The following KHDRBS2 variants were observed in gnomAD, a reference collection of about 807,000 sequenced individuals.
The protein encoded by KHDRBS2 is KH RNA binding domain containing, signal transduction associated 2.
Under a neutral mutation model 44.3 loss-of-function variants are expected in KHDRBS2, and 26 were observed. That is an observed-to-expected ratio of 0.59 (90% confidence interval 0.43 to 0.81). The LOEUF (loss-of-function observed/expected upper bound fraction) is 0.81. Ranked by LOEUF, KHDRBS2 falls within the 40% of genes least tolerant of loss-of-function variation. KHDRBS2 has a pLI of 0.00. For missense variants in KHDRBS2, 476 were observed against 433.1 expected (o/e 1.10, Z -0.88); for synonymous variants, 194 against 151.1 (o/e 1.28, Z -2.08).
chr6:62,013,154 T>C lies in KHDRBS2; in HGVS notation c.336+34724A>G, dbSNP rs553469729. ...GAGATCCTATGGAGCCCATGTTAAT[T>C]GACAAGATTTCTAAGAAACTTTAAT... On this transcript the variant is annotated intron_variant, in intron 3 of 8. Transcript: ENST00000281156. Among the ~76,000 whole-genome samples, 6 of 152,300 alleles carry C rather than the reference T, an allele frequency of 3.9e-5. No individual in the cohort carries two copies. In the South Asian group the frequency reaches 1.2e-3, roughly 32 times the overall value.
chr6:61,943,447 C>T (rs572604917), intron 4 of KHDRBS2, among the ~76,000 whole-genome samples: 33 of 151,872 alleles, frequency 2.2e-4, no homozygotes, highest in South Asian at 6.2e-4. Context: ...CAGAAAACAA[C>T]GAGCAATATG....
the KHDRBS2 span, among the ~76,000 whole-genome samples, chr6:61,568,265 A>G: frequency 4.6e-5 from 7 of 152,190 alleles, no homozygotes; most frequent in African/African-American, 1.4e-4. Context: ...ATTTGAAGAC[A>G]AGTAAAGTGA....
chr6:62,104,156 CTT>C (rs1802572923), intron 2 of KHDRBS2, among the ~76,000 whole-genome samples: 1 of 152,168 alleles, frequency 6.6e-6, no homozygotes, highest in South Asian at 2.1e-4. Context: ...GTATAAAAGA[CTT>C]AAACAAAACT....
At chr6:62,220,268 A>T (rs1263543915) in intron 1 of KHDRBS2, among the ~76,000 whole-genome samples, 1 of 151,954 alleles carries the variant, frequency 6.6e-6, no homozygotes, top group East Asian at 1.9e-4. Flanking sequence ...TACAATTTAA[A>T]TAGTAACATA....
At chr6:61,670,994 T>A in the KHDRBS2 span, among the ~76,000 whole-genome samples, 1 of 151,600 alleles carries the variant, frequency 6.6e-6, no homozygotes, top group Non-Finnish European at 1.5e-5. Flanking sequence ...CATTTCCCCA[T>A]ATGGTATTGC....
intron 2 of KHDRBS2, among the ~76,000 whole-genome samples, chr6:62,091,125 A>C (rs73758660): frequency 0.024 from 3,721 of 152,200 alleles, 162 homozygotes; most frequent in African/African-American, 0.084. Flanking sequence ...ACCGTGGAGC[A>C]CAACACCTCT....
chr6:62,150,224 T>C (rs1227308954), intron 2 of KHDRBS2, among the ~76,000 whole-genome samples: 1 of 151,930 alleles, frequency 6.6e-6, no homozygotes, highest in African/African-American at 2.4e-5. Flanking sequence ...CTCTTTTCAG[T>C]AATGGCCCTG....
chr6:61,959,189 T>C (rs1768083624), intron 4 of KHDRBS2, among the ~76,000 whole-genome samples: 1 of 152,146 alleles, frequency 6.6e-6, no homozygotes, highest in Non-Finnish European at 1.5e-5. Flanking sequence ...AGTTATTGGA[T>C]GAGATTGTTA....
Position 62,126,239 on chromosome 6 carries a change from G to A in KHDRBS2, c.219+50946C>T, listed in dbSNP as rs924118072. 6.6e-5 allele frequency among the ~76,000 whole-genome samples: 10 copies of A among 152,198 alleles called. No homozygotes were observed. The East Asian group carries it at 1.3e-3, about 21-fold the overall frequency. ...CCGTGGGCCTAGGGCAGTGGTGGCC[G>A]TGGGGAGAGATTCCATTTCTTATAT... On this transcript the variant is annotated intron_variant, in intron 2 of 8. Coordinates refer to ENST00000281156, the MANE Select transcript of KHDRBS2 (RefSeq NM_152688.4).
intron 1 of KHDRBS2, among the ~76,000 whole-genome samples, chr6:62,274,533 T>C (rs1199578352): frequency 6.6e-6 from 1 of 152,216 alleles, no homozygotes; most frequent in African/African-American, 2.4e-5. Context: ...GCTTAACTTC[T>C]ACCAATTTGA....
chr6:62,283,808 G>A (rs1399150156), intron 1 of KHDRBS2, among the ~76,000 whole-genome samples: 1 of 152,050 alleles, frequency 6.6e-6, no homozygotes, highest in Non-Finnish European at 1.5e-5. Context: ...CATGTAAAGA[G>A]CCCCAGGTAC....
At chr6:62,139,103 A>C (rs549287835) in intron 2 of KHDRBS2, among the ~76,000 whole-genome samples, 1 of 152,074 alleles carries the variant, frequency 6.6e-6, no homozygotes, top group East Asian at 1.9e-4. Context: ...AGGATTTTTG[A>C]AACCTTTAGT....
chr6:62,138,144 T>C (rs764825046), intron 2 of KHDRBS2, among the ~76,000 whole-genome samples: 3 of 152,192 alleles, frequency 2.0e-5, no homozygotes, highest in Non-Finnish European at 4.4e-5. Flanking sequence ...CAAGCAATCA[T>C]ATGAAAAGGC....
intron 6 of KHDRBS2, among the ~76,000 whole-genome samples, chr6:61,891,973 A>G (rs1277576747): frequency 2.0e-5 from 3 of 152,220 alleles, no homozygotes; most frequent in South Asian, 4.1e-4. Context: ...CCCTGTTTGC[A>G]GATGACATGA....
intron 4 of KHDRBS2, among the ~76,000 whole-genome samples, chr6:61,974,128 T>A (rs1771995497): frequency 6.6e-6 from 1 of 152,196 alleles, no homozygotes; most frequent in African/African-American, 2.4e-5. Flanking sequence ...ACTTATTAAT[T>A]CAATTGAATT....
intron 6 of KHDRBS2, among the ~76,000 whole-genome samples, chr6:61,842,089 G>A (rs1793689774): frequency 6.6e-6 from 1 of 152,126 alleles, no homozygotes; most frequent in Admixed American, 6.6e-5. Context: ...TGGCTTCTAT[G>A]ACATCTGAAA....
At chr6:62,105,203 G>C (rs780088638) in intron 2 of KHDRBS2, among the ~76,000 whole-genome samples, 8 of 152,046 alleles carry the variant, frequency 5.3e-5, no homozygotes, top group South Asian at 2.1e-4. Context: ...ACTTAAAATA[G>C]AAGTAATGCT....
chr6:62,199,389 G>A (rs1004260758), intron 1 of KHDRBS2, among the ~76,000 whole-genome samples: 2 of 152,160 alleles, frequency 1.3e-5, no homozygotes, highest in Non-Finnish European at 2.9e-5. Context: ...CATCAGCAAA[G>A]TCTCAGGATA....
rs1766694706 is a variant in KHDRBS2 at position 61,955,443 on chromosome 6, CATAT to C, written c.483+22619_483+22622del. The stretch of plus-strand genomic sequence containing the variant: ...ATACACATACGTATGTGTATGTATA[CATAT>C]GTGTATATATACATATGTGTATATA... On this transcript the variant is annotated intron_variant, in intron 4 of 8. Transcript: ENST00000281156. Among the ~76,000 whole-genome samples the C allele has an allele frequency of 2.1e-4, 13 of 60,724 alleles. 1 individual carries two copies. Among genetic ancestry groups the C allele is most frequent in the African/African-American group, 5.0e-4 (10 of 20,178 alleles). The allele number at this position is 60,724 out of a possible 152,430, so 39.8% of individuals were successfully genotyped here.
Sources: allele counts gnomAD v4.1 joint callset (sites outside exome capture counted in the v4.1 genomes callset), GRCh38; gene constraint gnomAD v4.1.1; transcripts MANE v1.5; gene names NCBI Gene and HGNC (gene_info 2026-07-23, HGNC 2026-07-21).